Variants in CNTNAP2 observed in about 807,000 individuals in gnomAD.
CNTNAP2 encodes the protein contactin-associated protein-like 2.
Under a neutral mutation model 155.2 loss-of-function variants are expected in CNTNAP2, and 98 were observed. The observed-to-expected ratio is 0.63, with a 90% confidence interval of 0.54 to 0.75. The LOEUF is 0.75. Ranked by LOEUF, CNTNAP2 falls within the 30% of genes least tolerant of loss-of-function variation. CNTNAP2 has a pLI of 0.00. For missense variants in CNTNAP2, 1,727 were observed against 1,688.1 expected (o/e 1.02, Z -0.40); for synonymous variants, 651 against 631.2 (o/e 1.03, Z -0.47).
At chr7:146,920,726 A>G (rs1386702951) in intron 3 of CNTNAP2, among the ~76,000 whole-genome samples, 2 of 152,144 alleles carry the variant, frequency 1.3e-5, no homozygotes, top group African/African-American at 4.8e-5. Flanking sequence ...ACTGTCCACT[A>G]TGAGGGTTGT....
chr7:146,873,535 C>T (rs781032723), intron 3 of CNTNAP2, among the ~76,000 whole-genome samples: 9 of 151,866 alleles, frequency 5.9e-5, no homozygotes, highest in East Asian at 1.9e-4. Context: ...GAAGTGCATG[C>T]GATTCAGAGG....
intron 1 of CNTNAP2, among the ~76,000 whole-genome samples, chr7:146,400,489 A>T (rs1795698614): frequency 6.6e-6 from 1 of 152,198 alleles, no homozygotes; most frequent in Non-Finnish European, 1.5e-5. Flanking sequence ...AATAATTGAG[A>T]AGTAAGGCTG....
chr7:146,864,831 A>G (rs567305902), intron 3 of CNTNAP2, among the ~76,000 whole-genome samples: 912 of 72,610 alleles, frequency 0.013, 11 homozygotes, highest in African/African-American at 0.077. Flanking sequence ...GCAAAACAAA[A>G]CAAAACAGAA....
At chr7:146,832,852 C>T (rs572133263) in intron 2 of CNTNAP2, among the ~76,000 whole-genome samples, 533 of 151,958 alleles carry the variant, frequency 3.5e-3, no homozygotes, top group Non-Finnish European at 6.2e-3. Flanking sequence ...CCCGCCACCA[C>T]GCCTGGCAAA....
At chr7:147,413,876 G>T (rs1797143516) in intron 10 of CNTNAP2, among the ~76,000 whole-genome samples, 5 of 152,108 alleles carry the variant, frequency 3.3e-5, no homozygotes, top group Admixed American at 3.3e-4. Flanking sequence ...GTGTGTTATG[G>T]TTTATAAAAC....
intron 11 of CNTNAP2, among the ~76,000 whole-genome samples, chr7:147,492,824 G>T (rs1534553): frequency 0.28 from 42,949 of 152,010 alleles, 6,217 homozygotes; most frequent in East Asian, 0.43. Flanking sequence ...AAATAGGAAT[G>T]ATTCAGATTT....
At chr7:146,915,527 C>T (rs1796374955) in intron 3 of CNTNAP2, among the ~76,000 whole-genome samples, 2 of 152,088 alleles carry the variant, frequency 1.3e-5, no homozygotes, top group African/African-American at 2.4e-5. Context: ...AAGTCTTTCA[C>T]CTCCTTGATT....
At chr7:147,958,958 G>A (rs1269054794) in intron 14 of CNTNAP2, among the ~76,000 whole-genome samples, 1 of 152,102 alleles carries the variant, frequency 6.6e-6, no homozygotes, top group African/African-American at 2.4e-5. Flanking sequence ...GTGTGTCAGT[G>A]CAACACATCT....
At chr7:147,789,798 G>A (rs1797792118) in intron 13 of CNTNAP2, among the ~76,000 whole-genome samples, 1 of 152,148 alleles carries the variant, frequency 6.6e-6, no homozygotes, top group South Asian at 2.1e-4. Flanking sequence ...TCCTGCCCTT[G>A]AACATCAGAT....
rs1794909359 is a variant in CNTNAP2, at chr7:147,623,560, C to T, written c.1898-15546C>T. On this transcript the variant is annotated intron_variant, in intron 12 of 23. Coordinates refer to ENST00000361727, the MANE Select transcript of CNTNAP2 (RefSeq NM_014141.6). The stretch of plus-strand genomic sequence containing the variant: ...GAATTAACCATAAAGTGAAAGATCT[C>T]TATAATGAAAAATATAAAACACTCA... 2.6e-5 allele frequency among the ~76,000 whole-genome samples: 4 copies of T among 151,782 alleles called. No homozygotes were observed. In the South Asian group the frequency reaches 6.2e-4, roughly 24 times the overall value.
intron 13 of CNTNAP2, among the ~76,000 whole-genome samples, chr7:147,822,698 T>C (rs1798379967): frequency 6.6e-6 from 1 of 152,170 alleles, no homozygotes; most frequent in Non-Finnish European, 1.5e-5. Flanking sequence ...GCCCTGATCA[T>C]TCATACTGCC....
intron 3 of CNTNAP2, among the ~76,000 whole-genome samples, chr7:146,994,312 A>G (rs1314708235): frequency 6.6e-6 from 1 of 152,096 alleles, no homozygotes; most frequent in African/African-American, 2.4e-5. Flanking sequence ...CAAGAAAGGA[A>G]TTTCATGAAT....
At chr7:147,013,396 T>A (rs1798661398) in intron 3 of CNTNAP2, among the ~76,000 whole-genome samples, 1 of 152,150 alleles carries the variant, frequency 6.6e-6, no homozygotes. Flanking sequence ...AGTGGTTTCT[T>A]CAGTAAAATA....
At chr7:147,794,226 G>A (rs545050018) in intron 13 of CNTNAP2, among the ~76,000 whole-genome samples, 1 of 151,836 alleles carries the variant, frequency 6.6e-6, no homozygotes, top group Admixed American at 6.6e-5. Context: ...TCCTTGTCTT[G>A]TTCCTGATTT....
chr7:147,643,740 T>A (rs1163699472), intron 13 of CNTNAP2, among the ~76,000 whole-genome samples: 3 of 152,226 alleles, frequency 2.0e-5, no homozygotes, highest in Non-Finnish European at 4.4e-5. Context: ...CTTAAAATGT[T>A]ATTTTTTATT....
intron 13 of CNTNAP2, among the ~76,000 whole-genome samples, chr7:147,722,472 A>T (rs1462305150): frequency 6.6e-6 from 1 of 152,098 alleles, no homozygotes; most frequent in Non-Finnish European, 1.5e-5. Flanking sequence ...AGTTACAGGA[A>T]GGTCATAGTG....
At chr7:146,902,387 G>A (rs1342675889) in intron 3 of CNTNAP2, among the ~76,000 whole-genome samples, 1 of 152,090 alleles carries the variant, frequency 6.6e-6, no homozygotes, top group Non-Finnish European at 1.5e-5. Context: ...TTACAGTAAC[G>A]TACATTTCTT....
intron 1 of CNTNAP2, among the ~76,000 whole-genome samples, chr7:146,266,266 A>G (rs1304891623): frequency 6.6e-6 from 1 of 152,168 alleles, no homozygotes; most frequent in Non-Finnish European, 1.5e-5. Context: ...TAGACAGTGA[A>G]GTGTGGAGTG....
chr7:147,364,596 T>C (rs560739637), intron 9 of CNTNAP2, among the ~76,000 whole-genome samples: 1 of 152,324 alleles, frequency 6.6e-6, no homozygotes, highest in African/African-American at 2.4e-5. Flanking sequence ...TTCTTTAAGT[T>C]CTGTTGGTTA....
Sources: gnomAD v4.1 joint callset for allele counts (sites outside exome capture counted in the v4.1 genomes callset) on GRCh38, gnomAD v4.1.1 for gene constraint, MANE v1.5 for transcripts, NCBI Gene and HGNC (gene_info 2026-07-23, HGNC 2026-07-21) for gene names.